The following HELQ variants were observed in gnomAD, a reference collection of about 807,000 sequenced individuals.
The protein encoded by HELQ is helicase, POLQ like.
In HELQ, 77 loss-of-function variants were observed where a neutral mutation model predicts 111.6. The ratio of observed to expected loss-of-function variants is 0.69; its 90% CI spans 0.57 to 0.83. HELQ has a LOEUF of 0.83. Ranked by LOEUF, HELQ falls within the 40% of genes least tolerant of loss-of-function variation. The pLI, the probability that HELQ is intolerant of heterozygous loss-of-function variation, is 0.00. For missense variants in HELQ, 1,200 were observed against 1,288.5 expected (o/e 0.93, Z 1.05); for synonymous variants, 438 against 454.7 (o/e 0.96, Z 0.47).
rs372765938 is a variant in HELQ, at chr4:83,426,583, TG to T, written c.2677-492del. On this transcript the variant is annotated intron_variant, in intron 13 of 17. Transcript: ENST00000295488. ...TTGTTTCTGTTTTTGTTTTTTTTTT[TG>T]AGACAGTCTCATTCTGTCACCCAGG... 0.023 allele frequency among the ~76,000 whole-genome samples: 3,478 copies of T among 151,770 alleles called. 275 individuals are homozygous for T. The East Asian group carries it at 0.28, about 12-fold the overall frequency.
chr4:83,408,701 C>T (rs113410954), intron 17 of HELQ, among the ~76,000 whole-genome samples: 4,691 of 151,890 alleles, frequency 0.031, 254 homozygotes, highest in African/African-American at 0.11. Flanking sequence ...GTGTGAGCCA[C>T]TACACTCAGC....
chr4:83,441,129 T>C (rs923853787), intron 7 of HELQ, among the ~76,000 whole-genome samples, 176 bp downstream of exon 7: 5 of 152,244 alleles, frequency 3.3e-5, no homozygotes, highest in African/African-American at 1.2e-4. Context: ...TGTGATCTAA[T>C]GTTGAAACTG....
In HELQ at chr4:83,448,976, A is replaced by T; in HGVS notation, c.1013-15T>A. 6.5e-7 allele frequency: 1 copy of T among 1,534,666 alleles called. No individual in the cohort carries two copies. Among genetic ancestry groups the T allele is most frequent in the Non-Finnish European group, 8.8e-7 (1 of 1,135,338 alleles). On this transcript the variant is annotated splice_polypyrimidine_tract_variant and intron_variant, in intron 2 of 17. Coordinates refer to ENST00000295488, the MANE Select transcript of HELQ (RefSeq NM_133636.5). ...ATGTTGCCATTCTGTGGAATTAAAA[A>T]AAAAAAGGCATTATTTTCCCCTTCC... is the stretch of plus-strand genomic sequence containing the variant.
At chr4:83,442,817 GTT>G in intron 6 of HELQ, among the ~76,000 whole-genome samples, 1 of 152,098 alleles carries the variant, frequency 6.6e-6, no homozygotes, top group Non-Finnish European at 1.5e-5. Flanking sequence ...CTCTTAAAGT[GTT>G]GGCATTGCAG....
intron 17 of HELQ, among the ~76,000 whole-genome samples, chr4:83,411,007 T>TA (rs1227839012): frequency 2.0e-5 from 3 of 149,680 alleles, no homozygotes; most frequent in Non-Finnish European, 4.5e-5. Flanking sequence ...AAAAATTACA[T>TA]AAATTAGCTG....
In HELQ at chr4:83,446,315, T is replaced by A. The variant is rs372687585; in HGVS notation, c.1393-229A>T. The stretch of plus-strand genomic sequence containing the variant: ...GGATTCATAAGTACTACTAAAAAAA[T>A]TTTTTTTTTAAACGGAGTTTGGCTC... On this transcript the variant is annotated intron_variant, in intron 4 of 17. Coordinates refer to ENST00000295488, the MANE Select transcript of HELQ (RefSeq NM_133636.5). 0.037 allele frequency among the ~76,000 whole-genome samples: 1,748 copies of A among 47,212 alleles called. 24 individuals carry two copies. The highest frequency in any genetic ancestry group is 0.069 in the African/African-American group (1,393 of 20,334). 31.0% of individuals were successfully genotyped at this position (47,212 alleles called of 152,430 possible).
Position 83,453,883 on chromosome 4 carries a change from TA to T in HELQ, c.359del (p.Ile120LysfsTer43). ...TTTGTTCCAGGTCGTCAACTTGAGC[TA>T]TAAAGGAGTTTTCAGTAAAGCTATC... ...DYDSFTENSF[I>X]AQVDDLEQKY... On this transcript the variant is annotated frameshift_variant, in exon 2 of 18. Coordinates refer to ENST00000295488, the MANE Select transcript of HELQ (RefSeq NM_133636.5). LOFTEE classifies it high-confidence loss of function. 1 of 1,614,068 alleles carries T rather than the reference TA, an allele frequency of 6.2e-7. No individual in the cohort carries two copies. Among genetic ancestry groups the T allele is most frequent in the South Asian group, 1.1e-5 (1 of 91,080 alleles).
In HELQ at chr4:83,446,758, T is replaced by C. The variant is rs1721070719; in HGVS notation, c.1392+77A>G. On this transcript the variant is annotated intron_variant, in intron 4 of 17. Coordinates refer to ENST00000295488, the MANE Select transcript of HELQ (RefSeq NM_133636.5). ...TTTATAGAGGTACTAAGGTACTAAG[T>C]AGATCCACACAATAACCAGAATAAT... The C allele has an allele frequency of 7.0e-6, 6 of 854,312 alleles. No homozygotes were observed. The South Asian group carries it at 8.5e-5, about 12-fold the overall frequency. The allele number at this position is 854,312 out of a possible 1,614,324, so 52.9% of individuals were successfully genotyped here. A position where few individuals can be genotyped will look rare whatever the true frequency, so the allele number is the denominator to read the frequency against.
intron 2 of HELQ, among the ~76,000 whole-genome samples, chr4:83,451,253 T>C (rs1214965694): frequency 6.6e-6 from 1 of 152,138 alleles, no homozygotes; most frequent in Non-Finnish European, 1.5e-5. Context: ...AAAAAAAAAT[T>C]ATCCCTTTTT....
intron 6 of HELQ, 62 bp from the exon 7 acceptor site, chr4:83,441,465 A>G (rs1423061428): frequency 4.0e-6 from 3 of 740,772 alleles, no homozygotes; most frequent in Non-Finnish European, 6.7e-6. Flanking sequence ...CAGTGTTTTA[A>G]ATATTGTAAA....
In HELQ at chr4:83,453,530, T is replaced by C; in HGVS notation, c.713A>G (p.Asn238Ser). 1.2e-6 allele frequency: 2 copies of C among 1,613,846 alleles called. No individual in the cohort carries two copies. Among genetic ancestry groups the C allele is most frequent in the South Asian group, 2.2e-5 (2 of 90,976 alleles). The change falls in exon 2 of 18, where the codon AAT becomes AGT. Residue 238 changes from asparagine to serine, a missense_variant. Physicochemically the swap from Asn to Ser is conservative, Grantham distance 46. Around this residue, in one of 3 missense-constraint regions of HELQ, gnomAD observed 610 missense variants for 607.1 expected, o/e 1.00. Transcript: ENST00000295488. ...HNTVNEELPH[N>S]CIEQPQQNDE... ...ATTTTGCTGGGGTTGCTCTATGCAA[T>C]TATGGGGCAGTTCCTCATTCACAGT...
At position 83,431,763 on chromosome 4, in the gene HELQ, CA is replaced by C. The variant is rs745954356; in HGVS notation, c.2195del (p.Leu732TrpfsTer3). On this transcript the variant is annotated frameshift_variant, in exon 11 of 18. Coordinates refer to ENST00000295488, the MANE Select transcript of HELQ (RefSeq NM_133636.5). LOFTEE classifies it high-confidence loss of function. Reference protein sequence around the residue: ...ILQEKDKQQVLELITKPLENC... With the variant: ...ILQEKDKQQVXELITKPLENC... ...TTTCCAATGGTTTAGTTATTAACTC[CA>C]ATACCTATAAAGGTTAAAGCAAAAC... 1 of 1,435,850 alleles carries C rather than the reference CA, an allele frequency of 7.0e-7. No individual in the cohort carries two copies. The highest frequency in any genetic ancestry group is 1.5e-5 in the African/African-American group (1 of 68,742). 88.9% of individuals were successfully genotyped at this position (1,435,850 alleles called of 1,614,324 possible). A position where few individuals can be genotyped will look rare whatever the true frequency, so the allele number is the denominator to read the frequency against.
chr4:83,452,122 T>C (rs1467332924), intron 2 of HELQ, among the ~76,000 whole-genome samples: 1 of 152,250 alleles, frequency 6.6e-6, no homozygotes, highest in East Asian at 1.9e-4. Flanking sequence ...GATACCTTCT[T>C]AATATTATTG....
rs1192979185 is a variant in HELQ, at chr4:83,449,071, A to AG, written c.1013-111dup. 5.1e-6 allele frequency: 4 copies of AG among 784,588 alleles called. No individual in the cohort carries two copies. In the African/African-American group the frequency reaches 7.0e-5, roughly 14 times the overall value. 48.6% of individuals were successfully genotyped at this position (784,588 alleles called of 1,614,324 possible). A position where few individuals can be genotyped will look rare whatever the true frequency, so the allele number is the denominator to read the frequency against. ...CTTCCTGTGGAGCAATCCTCTCATA[A>AG]GGATAAATTTAATTATAACCAATGT... On this transcript the variant is annotated intron_variant, in intron 2 of 17. Coordinates refer to ENST00000295488, the MANE Select transcript of HELQ (RefSeq NM_133636.5).
intron 17 of HELQ, among the ~76,000 whole-genome samples, chr4:83,416,404 A>T (rs1739361157): frequency 6.6e-6 from 1 of 151,102 alleles, no homozygotes; most frequent in Non-Finnish European, 1.5e-5. Context: ...ATTTTTTTGC[A>T]GAAACAGAGT....
intron 14 of HELQ, among the ~76,000 whole-genome samples, chr4:83,422,990 G>A (rs1362049342): frequency 6.6e-6 from 1 of 152,160 alleles, no homozygotes; most frequent in Non-Finnish European, 1.5e-5. Context: ...TCCTGTAGTT[G>A]ATGATTTCGA....
At chr4:83,432,361 G>T in intron 9 of HELQ, 94 bp from the exon 10 acceptor site, 1 of 908,996 alleles carries the variant, frequency 1.1e-6, no homozygotes, top group Non-Finnish European at 1.5e-6. Flanking sequence ...TAAATTTAAT[G>T]ACATACTAAC....
chr4:83,410,703 C>T (rs1348180214), intron 17 of HELQ, among the ~76,000 whole-genome samples: 1 of 152,148 alleles, frequency 6.6e-6, no homozygotes, highest in Non-Finnish European at 1.5e-5. Flanking sequence ...TGAATCTGTG[C>T]TAGCCTTTGT....
At chr4:83,419,161 ATT>A (rs34131623) in intron 15 of HELQ, among the ~76,000 whole-genome samples, 5,627 of 135,746 alleles carry the variant, frequency 0.041, 322 homozygotes, top group African/African-American at 0.14. Context: ...ACACCATGAG[ATT>A]TTTTTTTTTT....
Sources: allele counts gnomAD v4.1 joint callset (sites outside exome capture counted in the v4.1 genomes callset), GRCh38; gene constraint gnomAD v4.1.1; regional missense constraint gnomAD v4.1.1; transcripts MANE v1.5; gene names NCBI Gene and HGNC (gene_info 2026-07-23, HGNC 2026-07-21).